Variants in TMC1 observed in about 807,000 individuals in gnomAD.
TMC1 encodes the protein transmembrane channel like 1, also known as transmembrane channel-like protein 1.
A neutral mutation model predicts 105.8 loss-of-function variants in TMC1; 84 were observed. The ratio of observed to expected loss-of-function variants is 0.79; its 90% confidence interval spans 0.67 to 0.95. The LOEUF is 0.95. Among genes scored for constraint, TMC1 ranks in the 40% least tolerant of loss-of-function variants. The probability of loss-of-function intolerance (pLI) is 0.00; values close to 1 mark genes in which losing one functional copy is unlikely to be tolerated. For synonymous variants in TMC1, 315 were observed against 311.5 expected, an observed-to-expected ratio of 1.01 and a Z score of -0.12; for missense variants, 817 against 914.1, an observed-to-expected ratio of 0.89 and a Z score of 1.37.
In TMC1 at chr9:72,788,449, A is replaced by G. The variant is rs769913872; in HGVS notation, c.995A>G (p.Asp332Gly). ...DYLIGNPETA[D>G]NKFNSITMNF... The stretch of plus-strand genomic sequence containing the variant: ...CTGATCGGCAATCCTGAAACAGCAG[A>G]CAACAAATTTAATTCTATCACAATG... The change falls in exon 14 of 24, where the codon GAC (aspartate) becomes GGC (glycine). Residue 332 changes from aspartate to glycine, a missense_variant. Transcript: ENST00000297784. The G allele has an allele frequency of 7.2e-5, 117 of 1,613,948 alleles. No individual in the cohort carries two copies. The highest frequency in any genetic ancestry group is 9.1e-5 in the Non-Finnish European group (107 of 1,179,932).
intron 1 of TMC1, among the ~76,000 whole-genome samples, chr9:72,561,281 G>A (rs1008505446): frequency 2.3e-5 from 3 of 129,506 alleles, no homozygotes; most frequent in African/African-American, 9.3e-5. Flanking sequence ...TCGTGCCACT[G>A]CACTCCAGCC....
At chr9:72,752,958 A>C (rs966033697) in intron 11 of TMC1, among the ~76,000 whole-genome samples, 2 of 152,198 alleles carry the variant, frequency 1.3e-5, no homozygotes, top group Non-Finnish European at 2.9e-5. Context: ...TTTATGATGT[A>C]GACTGTAGAA....
intron 3 of TMC1, among the ~76,000 whole-genome samples, chr9:72,624,780 C>A (rs1825317327): frequency 6.6e-6 from 1 of 152,162 alleles, no homozygotes; most frequent in Non-Finnish European, 1.5e-5. Flanking sequence ...TCATAACTCA[C>A]CTGCAATGTG....
At chr9:72,722,674 G>A (rs1827047930) in intron 8 of TMC1, among the ~76,000 whole-genome samples, 1 of 152,128 alleles carries the variant, frequency 6.6e-6, no homozygotes, top group Non-Finnish European at 1.5e-5. Context: ...TTTTCTGTGT[G>A]GGTGAAAATG....
chr9:72,565,783 G>T (rs1403746636), intron 1 of TMC1, among the ~76,000 whole-genome samples: 1 of 152,192 alleles, frequency 6.6e-6, no homozygotes, highest in East Asian at 1.9e-4. Flanking sequence ...GTGTGCAGGG[G>T]AATTGCCCTT....
chr9:72,779,217 C>T (rs984000245), intron 13 of TMC1, among the ~76,000 whole-genome samples: 4 of 152,200 alleles, frequency 2.6e-5, no homozygotes, highest in African/African-American at 9.7e-5. Context: ...GAAATGAAGC[C>T]AGTTGACTAG....
At chr9:72,610,092 A>G (rs779503140) in intron 2 of TMC1, among the ~76,000 whole-genome samples, 2 of 152,356 alleles carry the variant, frequency 1.3e-5, no homozygotes, top group Non-Finnish European at 2.9e-5. Flanking sequence ...TAGACATTTC[A>G]TAAATCCTTA....
intron 20 of TMC1, among the ~76,000 whole-genome samples, chr9:72,821,789 T>C (rs1828878455): frequency 6.6e-6 from 1 of 152,122 alleles, no homozygotes; most frequent in African/African-American, 2.4e-5. Flanking sequence ...CTACTTCTCT[T>C]GTGCATTACT....
At chr9:72,679,985 C>T (rs556625740) in intron 5 of TMC1, among the ~76,000 whole-genome samples, 2 of 124,224 alleles carry the variant, frequency 1.6e-5, no homozygotes, top group African/African-American at 7.4e-5. Flanking sequence ...GCTAACATGA[C>T]CCTTTGTATA....
chr9:72,724,677 C>T (rs1347504837), intron 8 of TMC1, among the ~76,000 whole-genome samples: 1 of 152,066 alleles, frequency 6.6e-6, no homozygotes, highest in Non-Finnish European at 1.5e-5. Context: ...CATTTCATTG[C>T]ACCCTATTTT....
intron 17 of TMC1, among the ~76,000 whole-genome samples, 198 bp downstream of exon 17, chr9:72,792,550 C>G (rs144357817): frequency 2.0e-5 from 3 of 152,236 alleles, no homozygotes; most frequent in African/African-American, 7.2e-5. Context: ...GAGGTAAATA[C>G]TATTTGTATG....
chr9:72,726,027 A>G (rs1827119258), intron 8 of TMC1, among the ~76,000 whole-genome samples: 1 of 152,158 alleles, frequency 6.6e-6, no homozygotes, highest in Non-Finnish European at 1.5e-5. Context: ...CCACACAGAC[A>G]TGCCTAGGAT....
intron 19 of TMC1, among the ~76,000 whole-genome samples, chr9:72,818,304 G>T (rs1235888923): frequency 6.6e-6 from 1 of 152,144 alleles, no homozygotes; most frequent in African/African-American, 2.4e-5. Context: ...CGCAGATGTT[G>T]TTAACATCAA....
intron 4 of TMC1, among the ~76,000 whole-genome samples, chr9:72,640,830 A>G (rs997331658): frequency 2.6e-5 from 4 of 151,876 alleles, no homozygotes; most frequent in Non-Finnish European, 4.4e-5. Flanking sequence ...ACAGGGTTTC[A>G]CTGTGTTAGC....
At chr9:72,613,998 A>T (rs77282722) in intron 2 of TMC1, among the ~76,000 whole-genome samples, 1,683 of 152,332 alleles carry the variant, frequency 0.011, 37 homozygotes, top group African/African-American at 0.038. Flanking sequence ...GAAAGAGAGG[A>T]AAGGATGGTA....
At chr9:72,835,318 T>C (rs554525804) in intron 23 of TMC1, among the ~76,000 whole-genome samples, 1 of 152,358 alleles carries the variant, frequency 6.6e-6, no homozygotes, top group Admixed American at 6.5e-5. Context: ...TGAGGTATTA[T>C]TTTGAAATAG....
At chr9:72,806,856 C>T (rs1210205454) in intron 18 of TMC1, among the ~76,000 whole-genome samples, 5 of 152,158 alleles carry the variant, frequency 3.3e-5, no homozygotes, top group Admixed American at 6.5e-5. Context: ...ACTTCCCAGA[C>T]GGGGTGGCAG....
At chr9:72,737,750 G>A (rs1827323609) in intron 8 of TMC1, among the ~76,000 whole-genome samples, 1 of 152,140 alleles carries the variant, frequency 6.6e-6, no homozygotes, top group Non-Finnish European at 1.5e-5. Context: ...GACAGGATGT[G>A]TTTTCTTCAT....
At chr9:72,773,879 C>T (rs559650643) in intron 13 of TMC1, among the ~76,000 whole-genome samples, 18 of 152,146 alleles carry the variant, frequency 1.2e-4, no homozygotes, top group Non-Finnish European at 2.5e-4. Context: ...TTTATACAAT[C>T]ATTAACAGAT....
Sources: gnomAD v4.1 joint callset for allele counts (sites outside exome capture counted in the v4.1 genomes callset) on GRCh38, gnomAD v4.1.1 for gene constraint, MANE v1.5 for transcripts, NCBI Gene and HGNC (gene_info 2026-07-23, HGNC 2026-07-21) for gene names.